RAI2: variants seen among roughly 807,000 people sequenced by gnomAD.
RAI2 encodes retinoic acid induced 2.
Under a neutral mutation model 15.3 loss-of-function variants are expected in RAI2, and 5 were observed. The ratio of observed to expected loss-of-function variants is 0.33; its 90% confidence interval spans 0.17 to 0.69. The LOEUF (loss-of-function observed/expected upper bound fraction) is 0.69, where lower values mean the gene tolerates loss of function less well. Ranked by LOEUF, RAI2 falls within the 30% of genes least tolerant of loss-of-function variation. The pLI is 0.69. For synonymous variants in RAI2, 191 were observed against 184.0 expected, an observed-to-expected ratio of 1.04 and a Z score of -0.31; for missense variants, 424 against 424.7, an observed-to-expected ratio of 1.00 and a Z score of 0.01.
intron 1 of RAI2, among the ~76,000 whole-genome samples, chrX:17,856,028 T>C (rs1470789552): frequency 8.9e-6 from 1 of 112,013 alleles, no homozygotes; most frequent in Admixed American, 9.5e-5. Context: ...ATTTCCATCA[T>C]CATAGAAAGT....
At chrX:17,821,720 G>A (rs1365441988) in intron 1 of RAI2, among the ~76,000 whole-genome samples, 2 of 111,447 alleles carry the variant, frequency 1.8e-5, no homozygotes, top group Admixed American at 1.9e-4. Context: ...AACTCATTTT[G>A]TAGCTGGGGA....
chrX:17,838,106 A>G (rs1034888429), intron 1 of RAI2, among the ~76,000 whole-genome samples: 1 of 112,648 alleles, frequency 8.9e-6, no homozygotes, highest in African/African-American at 3.2e-5. Context: ...GATCCTGTTC[A>G]TATGAAACTC....
chrX:17,800,336 A>T lies in RAI2; in HGVS notation c.*82T>A. On this transcript the variant is annotated 3_prime_UTR_variant, in exon 2 of 2. Coordinates refer to ENST00000451717, the MANE Select transcript of RAI2 (RefSeq NM_021785.6). Reference sequence around the variant, plus strand: ...CTACTCCCCAAAATAATTAACAAAGATAATTTGTTTTAAATGCCTTTTTAT... The same window carrying T: ...CTACTCCCCAAAATAATTAACAAAGTTAATTTGTTTTAAATGCCTTTTTAT... 9.2e-7 allele frequency: 1 copy of T among 1,083,767 alleles called. No individual in the cohort carries two copies. The highest frequency in any genetic ancestry group is 1.2e-6 in the Non-Finnish European group (1 of 819,405). The allele number at this position is 1,083,767 out of a possible 1,213,427, so 89.3% of individuals were successfully genotyped here.
intron 1 of RAI2, among the ~76,000 whole-genome samples, chrX:17,838,421 G>A (rs1029700611): frequency 1.1e-4 from 12 of 111,662 alleles, no homozygotes; most frequent in Non-Finnish European, 2.1e-4. Context: ...AGAGAATACT[G>A]TCTCTCTCTG....
At chrX:17,837,615 T>C (rs1381800062) in intron 1 of RAI2, 6 of 112,168 alleles carry the variant, frequency 5.3e-5, no homozygotes, top group Non-Finnish European at 7.5e-5. Flanking sequence ...TGTTTGGTAG[T>C]GGAATTCTGT....
intron 1 of RAI2, among the ~76,000 whole-genome samples, chrX:17,852,231 A>C (rs896806531): frequency 4.5e-5 from 5 of 112,177 alleles, no homozygotes; most frequent in Non-Finnish European, 9.4e-5. Flanking sequence ...CATGGCGACA[A>C]GGAAGACTTC....
At chrX:17,860,815 G>A (rs1601945247) in intron 1 of RAI2, 1 of 105,557 alleles carries the variant, frequency 9.5e-6, no homozygotes, top group South Asian at 3.9e-4. Context: ...CCGCCTCCCC[G>A]GCAGTCCCCG....
chrX:17,832,603 C>T (rs2067294933), intron 1 of RAI2, among the ~76,000 whole-genome samples: 1 of 111,866 alleles, frequency 8.9e-6, no homozygotes, highest in African/African-American at 3.3e-5. Context: ...GGAGAGATGC[C>T]CCAATTTAAG....
intron 1 of RAI2, among the ~76,000 whole-genome samples, chrX:17,812,678 T>G (rs2067062768): frequency 8.9e-6 from 1 of 111,757 alleles, no homozygotes; most frequent in Non-Finnish European, 1.9e-5. Flanking sequence ...TAAGTAGCTC[T>G]CCTCTCCTAC....
intron 1 of RAI2, among the ~76,000 whole-genome samples, chrX:17,856,017 CA>C (rs775224464): frequency 6.3e-5 from 7 of 111,926 alleles, no homozygotes; most frequent in Non-Finnish European, 1.3e-4. Flanking sequence ...AAACATGTGA[CA>C]TTTCCATCAT....
intron 1 of RAI2, among the ~76,000 whole-genome samples, chrX:17,824,657 T>C (rs2067207027): frequency 8.9e-6 from 1 of 111,886 alleles, no homozygotes; most frequent in South Asian, 3.8e-4. Flanking sequence ...TGTGGTTAAT[T>C]ATGTGACCCA....
At chrX:17,823,395 A>G (rs2067190455) in intron 1 of RAI2, among the ~76,000 whole-genome samples, 1 of 112,275 alleles carries the variant, frequency 8.9e-6, no homozygotes, top group Admixed American at 9.4e-5. Context: ...ATAAGATGAA[A>G]AGAGGGATGG....
chrX:17,805,562 G>A (rs1243141988), intron 1 of RAI2, among the ~76,000 whole-genome samples: 1 of 112,653 alleles, frequency 8.9e-6, no homozygotes. Flanking sequence ...GCTACAGAGA[G>A]GCCCTTGCAT....
At position 17,801,813 on chromosome X, in the gene RAI2, C is replaced by A; in HGVS notation, c.198G>T (p.Gln66His). 1 of 1,211,704 alleles carries A rather than the reference C, an allele frequency of 8.3e-7. No homozygotes were observed. The highest frequency in any genetic ancestry group is 1.8e-5 in the South Asian group (1 of 56,934). The change falls in exon 2 of 2, where the codon CAG becomes CAT. Residue 66 changes from glutamine to histidine, a missense_variant. Transcript: ENST00000451717. ...PSILNPPAES[Q>H]SGMALKVAAT... ...CCGCCACCTTCAGAGCCATGCCACT[C>A]TGAGACTCGGCAGGGGGGTTCAGAA... is the stretch of plus-strand genomic sequence containing the variant.
chrX:17,803,257 G>A (rs2066939377), intron 1 of RAI2, among the ~76,000 whole-genome samples: 1 of 111,470 alleles, frequency 9.0e-6, no homozygotes, highest in African/African-American at 3.3e-5. Flanking sequence ...TGGGTGCAGT[G>A]GCTCATGCCT....
chrX:17,852,231 A>G (rs896806531), intron 1 of RAI2, among the ~76,000 whole-genome samples: 1 of 112,177 alleles, frequency 8.9e-6, no homozygotes, highest in African/African-American at 3.2e-5. Context: ...CATGGCGACA[A>G]GGAAGACTTC....
chrX:17,853,013 C>T (rs191848007), intron 1 of RAI2, among the ~76,000 whole-genome samples: 225 of 100,202 alleles, frequency 2.2e-3, no homozygotes, highest in African/African-American at 7.6e-3. Context: ...TCAATTGGCT[C>T]GGGCTTAAGA....
intron 1 of RAI2, among the ~76,000 whole-genome samples, chrX:17,811,598 T>C: frequency 8.9e-6 from 1 of 112,482 alleles, no homozygotes; most frequent in South Asian, 3.7e-4. Flanking sequence ...TCCTGTGTCA[T>C]TAGCAGGACA....
intron 1 of RAI2, among the ~76,000 whole-genome samples, chrX:17,802,462 A>C (rs1228064983): frequency 8.9e-6 from 1 of 112,642 alleles, no homozygotes; most frequent in Non-Finnish European, 1.9e-5. Flanking sequence ...TAAGGAAAAA[A>C]ATAATGCCTT....
Sources: allele counts gnomAD v4.1 joint callset (sites outside exome capture counted in the v4.1 genomes callset), GRCh38; gene constraint gnomAD v4.1.1; transcripts MANE v1.5; gene names NCBI Gene and HGNC (gene_info 2026-07-23, HGNC 2026-07-21).